The following NFXL1 variants were observed in gnomAD, a reference collection of about 807,000 sequenced individuals.
NFXL1 encodes nuclear transcription factor, X-box binding like 1, also known as NF-X1-type zinc finger protein NFXL1.
Under a neutral mutation model 123.3 loss-of-function variants are expected in NFXL1, and 66 were observed. The observed-to-expected ratio is 0.54, with a 90% CI of 0.44 to 0.66. The LOEUF (loss-of-function observed/expected upper bound fraction) is 0.66. NFXL1 is among the 30% of genes least tolerant of loss of function. The pLI is 0.00. For missense variants in NFXL1, 944 were observed against 1,125.6 expected (o/e 0.84, Z 2.31); for synonymous variants, 346 against 360.8 (o/e 0.96, Z 0.46).
chr4:47,895,989 G>A (rs765194044), intron 10 of NFXL1, among the ~76,000 whole-genome samples: 1 of 152,084 alleles, frequency 6.6e-6, no homozygotes, highest in Non-Finnish European at 1.5e-5. Flanking sequence ...TGTCTCTCAG[G>A]GAATAGGAAG....
At chr4:47,904,907 C>CAAACTCAAT (rs59009335) in intron 4 of NFXL1, among the ~76,000 whole-genome samples, 1 of 151,220 alleles carries the variant, frequency 6.6e-6, no homozygotes, top group African/African-American at 2.4e-5. Context: ...TATCTTTTTC[C>CAAACTCAAT]AAAAGTAATA....
At chr4:47,858,644 A>G (rs1240693265) in intron 19 of NFXL1, among the ~76,000 whole-genome samples, 2 of 152,236 alleles carry the variant, frequency 1.3e-5, no homozygotes, top group East Asian at 3.8e-4. Flanking sequence ...GGCAAACAAT[A>G]TTGTTTGCAG....
intron 18 of NFXL1, among the ~76,000 whole-genome samples, chr4:47,868,184 C>T (rs746582683): frequency 2.0e-5 from 3 of 152,004 alleles, no homozygotes; most frequent in Non-Finnish European, 4.4e-5. Flanking sequence ...CCAGGCGTGG[C>T]GGCGGGCACC....
intron 17 of NFXL1, among the ~76,000 whole-genome samples, chr4:47,877,374 G>A (rs776254065): frequency 2.0e-5 from 3 of 151,930 alleles, no homozygotes; most frequent in Admixed American, 1.3e-4. Context: ...AATATCATAC[G>A]CAGTTCTCAT....
intron 11 of NFXL1, among the ~76,000 whole-genome samples, chr4:47,893,495 T>C (rs1736901289): frequency 1.3e-5 from 2 of 151,892 alleles, no homozygotes; most frequent in South Asian, 4.2e-4. Context: ...GATACAACAA[T>C]CACAGCATAC....
intron 12 of NFXL1, among the ~76,000 whole-genome samples, chr4:47,886,798 C>T (rs10938504): frequency 0.35 from 52,767 of 152,036 alleles, 9,580 homozygotes; most frequent in East Asian, 0.59. Context: ...CTAAAACAAG[C>T]AAAAATGGAT....
At chr4:47,855,826 C>T (rs960623028) in intron 19 of NFXL1, among the ~76,000 whole-genome samples, 1 of 151,956 alleles carries the variant, frequency 6.6e-6, no homozygotes, top group Non-Finnish European at 1.5e-5. Flanking sequence ...GTTTATGCTC[C>T]GTGTCTTTAA....
Position 47,898,784 on chromosome 4 carries a change from A to G in NFXL1, c.1062T>C (p.Cys354=), listed in dbSNP as rs909407113. The G allele has an allele frequency of 6.2e-7, 1 of 1,613,118 alleles. No individual in the cohort carries two copies. The highest frequency in any genetic ancestry group is 8.5e-7 in the Non-Finnish European group (1 of 1,179,248). The change falls in exon 8 of 23, where the codon TGT becomes TGC. Residue 354 remains cysteine, a synonymous_variant. Coordinates refer to ENST00000507489, the MANE Select transcript of NFXL1 (RefSeq NM_001278624.2). ...GATCACAGTGCCATAGTGGACTTGCACAACTTCTTTCAGCTACTTTTTTGC... is the reference window on the plus strand; with the variant it reads ...GATCACAGTGCCATAGTGGACTTGCGCAACTTCTTTCAGCTACTTTTTTGC... ...VCGKKVAERS[C]ASPLWHCDQV...
In NFXL1 at chr4:47,855,102, T is replaced by G. The variant is rs201213581; in HGVS notation, c.2378A>C (p.Asn793Thr). 4 of 1,578,560 alleles carry G rather than the reference T, an allele frequency of 2.5e-6. No homozygotes were observed. In the East Asian group the frequency reaches 6.8e-5, roughly 27 times the overall value. ...AGGACATCTAAGTTTTACCTTCTGG[T>G]TGCAGTTAAAGGGACATTCACCAGG... ...CHPGECPFNC[N>T]QKVKLRCPCK... The change falls in exon 20 of 23, where the codon AAC (asparagine) becomes ACC (threonine). Residue 793 changes from asparagine to threonine, a missense_variant. Coordinates refer to ENST00000507489, the MANE Select transcript of NFXL1 (RefSeq NM_001278624.2).
intron 9 of NFXL1, among the ~76,000 whole-genome samples, chr4:47,897,075 C>T (rs939068706): frequency 4.6e-5 from 7 of 152,058 alleles, no homozygotes; most frequent in East Asian, 1.9e-4. Flanking sequence ...TTTGGGAGGC[C>T]GAGACAGGAG....
At chr4:47,877,074 T>C (rs1189444390) in intron 17 of NFXL1, 1 of 1,160,280 alleles carries the variant, frequency 8.6e-7, no homozygotes. Context: ...TCTATTTAAA[T>C]AACATGAGTA....
intron 19 of NFXL1, among the ~76,000 whole-genome samples, chr4:47,858,375 C>T (rs2033898): frequency 0.73 from 110,696 of 152,088 alleles, 40,481 homozygotes; most frequent in South Asian, 0.76. Flanking sequence ...ATTAAACATT[C>T]CCTATGACCA....
intron 10 of NFXL1, 109 bp from the exon 11 acceptor site, chr4:47,894,411 A>C (rs1267739003): frequency 1.5e-6 from 1 of 647,580 alleles, no homozygotes; most frequent in East Asian, 3.3e-5. Flanking sequence ...TTTAACACTA[A>C]ATTTGTATAA....
chr4:47,880,808 A>AAAAAAAAAAAAAAAAAAAAAAAG (rs1736060309), intron 15 of NFXL1, among the ~76,000 whole-genome samples: 1 of 7,984 alleles, frequency 1.3e-4, no homozygotes. Context: ...ATTAATGAGT[A>AAAAAAAAAAAAAAAAAAAAAAAG]AAAAAAAAAA....
At chr4:47,894,385 C>T in intron 10 of NFXL1, 83 bp from the exon 11 acceptor site, 1 of 954,420 alleles carries the variant, frequency 1.0e-6, no homozygotes, top group Admixed American at 3.6e-5. Flanking sequence ...ATTATTAAAA[C>T]ATAATGAACA....
At chr4:47,853,651 A>T (rs1560578759) in intron 20 of NFXL1, among the ~76,000 whole-genome samples, 1 of 152,110 alleles carries the variant, frequency 6.6e-6, no homozygotes, top group Non-Finnish European at 1.5e-5. Context: ...ACACAGGAAA[A>T]AAATATATAT....
At chr4:47,908,879 C>T (rs937067136) in intron 3 of NFXL1, among the ~76,000 whole-genome samples, 4 of 140,142 alleles carry the variant, frequency 2.9e-5, no homozygotes, top group Admixed American at 1.6e-4. Flanking sequence ...GGCATGAACC[C>T]GGGTGGTGGA....
chr4:47,885,393 G>A, intron 14 of NFXL1, 105 bp downstream of exon 14: 3 of 917,446 alleles, frequency 3.3e-6, no homozygotes, highest in Non-Finnish European at 1.7e-6. Context: ...CAAGCACAGT[G>A]CTTCCCAATA....
At chr4:47,873,792 TTCTC>T (rs1735581402) in intron 18 of NFXL1, among the ~76,000 whole-genome samples, 2 of 152,232 alleles carry the variant, frequency 1.3e-5, no homozygotes, top group South Asian at 4.1e-4. Flanking sequence ...AGGCACTGAC[TTCTC>T]TCTAACTATG....
Sources: allele counts gnomAD v4.1 joint callset (sites outside exome capture counted in the v4.1 genomes callset), GRCh38; gene constraint gnomAD v4.1.1; transcripts MANE v1.5; gene names NCBI Gene and HGNC (gene_info 2026-07-23, HGNC 2026-07-21).